The following NKAIN2 variants were observed in gnomAD, a reference collection of about 807,000 sequenced individuals.
NKAIN2 encodes the protein sodium/potassium transporting ATPase interacting 2.
In NKAIN2, 14 loss-of-function variants were observed where a neutral mutation model predicts 32.6. The observed-to-expected ratio is 0.43, with a 90% CI of 0.28 to 0.67. NKAIN2 has a LOEUF of 0.67. NKAIN2 is among the 30% of genes least tolerant of loss of function. The pLI is 0.17. For synonymous variants in NKAIN2, 80 were observed against 87.2 expected (o/e 0.92, Z 0.46); for missense variants, 198 against 258.3 (o/e 0.77, Z 1.60).
intron 2 of NKAIN2, among the ~76,000 whole-genome samples, chr6:124,351,374 G>T (rs79695844): frequency 6.6e-6 from 1 of 151,788 alleles, no homozygotes; most frequent in African/African-American, 2.4e-5. Flanking sequence ...GCATGGTGAT[G>T]CATGCCTGTA....
rs533801320 is a variant in NKAIN2, at chr6:124,735,808, G to A, written c.475-55531G>A. Among the ~76,000 whole-genome samples, 4 of 151,860 alleles carry A rather than the reference G, an allele frequency of 2.6e-5. No homozygotes were observed. In the East Asian group the frequency reaches 7.8e-4, roughly 30 times the overall value. The stretch of plus-strand genomic sequence containing the variant: ...GAACTTAATCAATAATGTTATATGT[G>A]TTCTGACTGCTCAATTCACTGGCCA... On this transcript the variant is annotated intron_variant, in intron 4 of 6. Transcript: ENST00000368417.
At chr6:124,344,103 G>A (rs375622812) in intron 2 of NKAIN2, among the ~76,000 whole-genome samples, 1 of 151,242 alleles carries the variant, frequency 6.6e-6, no homozygotes, top group African/African-American at 2.4e-5. Context: ...TTTCCCCATT[G>A]CTTGTTTTTC....
rs116115203 is a variant in NKAIN2, at chr6:124,803,834, T to C, written c.535+12435T>C. On this transcript the variant is annotated intron_variant, in intron 5 of 6. Transcript: ENST00000368417. ...TGAGTAAAGAGCCTAAATGTGCATT[T>C]TGAAGCATAATTCCAATCATTCCTT... Among the ~76,000 whole-genome samples, 1,421 of 152,322 alleles carry C rather than the reference T, an allele frequency of 9.3e-3. 24 individuals carry two copies. The highest frequency in any genetic ancestry group is 0.033 in the African/African-American group (1,369 of 41,562).
At chr6:124,680,394 A>G (rs1057386251) in intron 4 of NKAIN2, among the ~76,000 whole-genome samples, 6 of 152,248 alleles carry the variant, frequency 3.9e-5, no homozygotes, top group Non-Finnish European at 7.4e-5. Flanking sequence ...ATAGCTTCTC[A>G]TGAACTCATT....
In NKAIN2 at chr6:123,871,794, C is replaced by T. The variant is rs1284840574; in HGVS notation, c.54+67540C>T. Reference sequence around the variant, plus strand: ...CCATTCTTATGTTTAAAAAGTTAAACATTTTATTTAATTTAAAACATATAA... The same window carrying T: ...CCATTCTTATGTTTAAAAAGTTAAATATTTTATTTAATTTAAAACATATAA... On this transcript the variant is annotated intron_variant, in intron 1 of 6. Transcript: ENST00000368417. Among the ~76,000 whole-genome samples the T allele has an allele frequency of 1.3e-5, 2 of 152,110 alleles. 1 individual carries two copies. Among genetic ancestry groups the T allele is most frequent in the South Asian group, 4.1e-4 (2 of 4,834 alleles).
At chr6:123,881,739 A>T (rs1248764669) in intron 1 of NKAIN2, among the ~76,000 whole-genome samples, 1 of 152,200 alleles carries the variant, frequency 6.6e-6, no homozygotes, top group Non-Finnish European at 1.5e-5. Context: ...TAGCTCTCTG[A>T]TGACTGATAT....
chr6:124,398,634 T>C (rs1323366477), intron 3 of NKAIN2, among the ~76,000 whole-genome samples: 4 of 152,188 alleles, frequency 2.6e-5, no homozygotes, highest in Non-Finnish European at 5.9e-5. Flanking sequence ...ACAGGTGGTA[T>C]GAAGAACGGC....
intron 1 of NKAIN2, among the ~76,000 whole-genome samples, chr6:124,092,307 G>A (rs1422640905): frequency 1.3e-5 from 2 of 151,936 alleles, no homozygotes; most frequent in Non-Finnish European, 2.9e-5. Context: ...GTGAGAAATT[G>A]AGAACACATT....
At position 123,937,356 on chromosome 6, in the gene NKAIN2, C is replaced by G. The variant is rs117212375; in HGVS notation, c.54+133102C>G. 2.4e-3 allele frequency among the ~76,000 whole-genome samples: 369 copies of G among 152,140 alleles called. 14 individuals carry two copies. In the East Asian group the frequency reaches 0.059, roughly 24 times the overall value. ...AGGACTTCTCTGTTCATAAGCAGCA[C>G]AATTGGAAATGGACTCCAGGTATCT... On this transcript the variant is annotated intron_variant, in intron 1 of 6. Coordinates refer to ENST00000368417, the MANE Select transcript of NKAIN2 (RefSeq NM_001040214.3).
At chr6:124,349,290 G>C (rs1156921849) in intron 2 of NKAIN2, among the ~76,000 whole-genome samples, 1 of 151,996 alleles carries the variant, frequency 6.6e-6, no homozygotes, top group African/African-American at 2.4e-5. Flanking sequence ...GAGCCAGCCT[G>C]CTCCCCCCTA....
chr6:124,225,044 A>G (rs930377916), intron 1 of NKAIN2, among the ~76,000 whole-genome samples: 10 of 152,072 alleles, frequency 6.6e-5, no homozygotes, highest in Non-Finnish European at 1.3e-4. Flanking sequence ...CTGCAGGTAT[A>G]GAATCATTCA....
In NKAIN2 at chr6:124,272,085, C is replaced by G. The variant is rs549743871; in HGVS notation, c.55-10920C>G. ...AGCATAAAAATTCAAAAATTTGCAGCCTGATAATGCAGTATGAAGGAAAAC... is the reference window on the plus strand; with the variant it reads ...AGCATAAAAATTCAAAAATTTGCAGGCTGATAATGCAGTATGAAGGAAAAC... On this transcript the variant is annotated intron_variant, in intron 1 of 6. Transcript: ENST00000368417. 1.6e-4 allele frequency among the ~76,000 whole-genome samples: 25 copies of G among 152,230 alleles called. 2 individuals are homozygous for G. The South Asian group carries it at 5.0e-3, about 30-fold the overall frequency.
intron 1 of NKAIN2, among the ~76,000 whole-genome samples, chr6:124,236,471 G>C (rs1001103437): frequency 6.6e-6 from 1 of 152,128 alleles, no homozygotes; most frequent in Non-Finnish European, 1.5e-5. Context: ...TATGAGTGAT[G>C]ATATTGAGTA....
intron 1 of NKAIN2, among the ~76,000 whole-genome samples, chr6:123,871,648 T>C (rs1181890013): frequency 6.6e-6 from 1 of 152,202 alleles, no homozygotes. Flanking sequence ...GAATGTCTGT[T>C]CCACTTACAA....
chr6:123,875,464 G>A (rs1342253847), intron 1 of NKAIN2, among the ~76,000 whole-genome samples: 1 of 151,762 alleles, frequency 6.6e-6, no homozygotes, highest in Non-Finnish European at 1.5e-5. Context: ...TTTATTCTAC[G>A]AAATGCCATT....
intron 4 of NKAIN2, among the ~76,000 whole-genome samples, chr6:124,690,380 T>C (rs1411759128): frequency 6.6e-6 from 1 of 152,162 alleles, no homozygotes; most frequent in African/African-American, 2.4e-5. Context: ...GAGAATCGTA[T>C]GGTTTGCAAA....
intron 1 of NKAIN2, among the ~76,000 whole-genome samples, chr6:124,172,417 TCTC>T (rs1017492198): frequency 3.9e-5 from 6 of 152,114 alleles, no homozygotes; most frequent in Non-Finnish European, 8.8e-5. Flanking sequence ...TGGTGGGAGT[TCTC>T]CTACGTAAGT....
In NKAIN2 at chr6:123,963,247, T is replaced by G. The variant is rs1206669978; in HGVS notation, c.54+158993T>G. Among the ~76,000 whole-genome samples the G allele has an allele frequency of 2.0e-5, 3 of 152,142 alleles. No individual in the cohort carries two copies. The East Asian group carries it at 5.8e-4, about 29-fold the overall frequency. On this transcript the variant is annotated intron_variant, in intron 1 of 6. Transcript: ENST00000368417. Reference sequence around the variant, plus strand: ...TTGTTTTCTAGGCAATTTTTAATGTTTTTGGAGTGATGAAATAAAAGAGGG... The same window carrying G: ...TTGTTTTCTAGGCAATTTTTAATGTGTTTGGAGTGATGAAATAAAAGAGGG...
intron 2 of NKAIN2, among the ~76,000 whole-genome samples, chr6:124,332,794 G>A (rs1242816772): frequency 2.6e-5 from 4 of 152,168 alleles, no homozygotes; most frequent in Non-Finnish European, 5.9e-5. Context: ...ACTTGCCCAT[G>A]GGCACTGCAG....
Sources: allele counts gnomAD v4.1 joint callset (sites outside exome capture counted in the v4.1 genomes callset), GRCh38; gene constraint gnomAD v4.1.1; transcripts MANE v1.5; gene names NCBI Gene and HGNC (gene_info 2026-07-23, HGNC 2026-07-21).